Variants in TMEM266 observed in about 807,000 individuals in gnomAD.
TMEM266 encodes transmembrane protein 266.
Under a neutral mutation model 50.5 loss-of-function variants are expected in TMEM266, and 33 were observed. That is an observed-to-expected ratio of 0.65 (90% CI 0.50 to 0.87). The LOEUF is 0.87. Among genes scored for constraint, TMEM266 ranks in the 40% least tolerant of loss-of-function variants. TMEM266 has a pLI of 0.00. For synonymous variants in TMEM266, 310 were observed against 292.3 expected (o/e 1.06, Z -0.62); for missense variants, 655 against 695.1 (o/e 0.94, Z 0.65).
intron 1 of TMEM266, among the ~76,000 whole-genome samples, chr15:76,103,638 G>A (rs907735343): frequency 1.3e-5 from 2 of 152,100 alleles, no homozygotes; most frequent in Non-Finnish European, 2.9e-5. Flanking sequence ...GGGGCTGGGC[G>A]CAGTGGCCCA....
intron 9 of TMEM266, among the ~76,000 whole-genome samples, chr15:76,196,399 C>T (rs2038656998): frequency 6.6e-6 from 1 of 152,172 alleles, no homozygotes; most frequent in Admixed American, 6.5e-5. Context: ...TGGCGAGGAA[C>T]ACACATGATT....
In TMEM266 at chr15:76,161,163, G is replaced by A. The variant is rs927953608; in HGVS notation, c.456+995G>A. On this transcript the variant is annotated intron_variant, in intron 5 of 10. Transcript: ENST00000388942. The surrounding 1 kb of genome is among the most constrained non-coding windows in gnomAD (Gnocchi z 4.1). ...CCTTGAGTGTCCCATCCCTGCTATG[G>A]GTACATATTAGCCCATGCAAAGTCC... Among the ~76,000 whole-genome samples the A allele has an allele frequency of 9.9e-5, 15 of 152,154 alleles. No homozygotes were observed. Among genetic ancestry groups the A allele is most frequent in the Admixed American group, 9.2e-4 (14 of 15,280 alleles).
rs1379535154 is a variant in TMEM266 at position 76,160,189 on chromosome 15, T to C, written c.456+21T>C. ...CAGAGGTAGGTGGAGACTCTGGCCC[T>C]GTCACCTCCTCTGTTGGGTGACTCC... On this transcript the variant is annotated intron_variant, in intron 5 of 10. Transcript: ENST00000388942. This position sits in a 1 kb window ranked among gnomAD's most constrained non-coding sequence, Gnocchi z 5.7. The C allele has an allele frequency of 1.2e-6, 2 of 1,606,026 alleles. No individual in the cohort carries two copies. Among genetic ancestry groups the C allele is most frequent in the Non-Finnish European group, 1.7e-6 (2 of 1,172,692 alleles).
chr15:76,105,255 G>C (rs527282022), intron 1 of TMEM266, among the ~76,000 whole-genome samples: 1 of 151,864 alleles, frequency 6.6e-6, no homozygotes, highest in Non-Finnish European at 1.5e-5. Flanking sequence ...CAAAAAAAAA[G>C]TAAAGAAAAA....
intron 1 of TMEM266, among the ~76,000 whole-genome samples, chr15:76,092,340 A>C (rs1480944666): frequency 6.6e-6 from 1 of 152,108 alleles, no homozygotes; most frequent in Non-Finnish European, 1.5e-5. Flanking sequence ...TTTAAAGCTC[A>C]ACATGTAACA....
At chr15:76,104,546 C>T (rs940255706) in intron 1 of TMEM266, among the ~76,000 whole-genome samples, 33 of 152,134 alleles carry the variant, frequency 2.2e-4, no homozygotes, top group Non-Finnish European at 4.1e-4. Flanking sequence ...GGGCCCGGCG[C>T]GGTGGCTCAC....
chr15:76,196,419 G>T (rs565619360), intron 9 of TMEM266, among the ~76,000 whole-genome samples: 1 of 152,186 alleles, frequency 6.6e-6, no homozygotes, highest in African/African-American at 2.4e-5. Context: ...TCACAGCCTC[G>T]CATGGTCCAG....
intron 1 of TMEM266, among the ~76,000 whole-genome samples, chr15:76,117,210 G>T (rs2142016244): frequency 6.6e-6 from 1 of 151,870 alleles, no homozygotes; most frequent in African/African-American, 2.4e-5. Context: ...AATCCATCAG[G>T]GTCTTACACT....
At chr15:76,088,125 C>T (rs1053154194) in intron 1 of TMEM266, among the ~76,000 whole-genome samples, 3 of 152,194 alleles carry the variant, frequency 2.0e-5, no homozygotes, top group Non-Finnish European at 4.4e-5. Context: ...AAGTCCTGTC[C>T]TCTTTTCTTC....
chr15:76,121,230 CT>C (rs1413360647), intron 1 of TMEM266, among the ~76,000 whole-genome samples: 1 of 152,066 alleles, frequency 6.6e-6, no homozygotes, highest in Admixed American at 6.6e-5. Context: ...AGAGGTTTAA[CT>C]TTTATGTATT....
intron 9 of TMEM266, among the ~76,000 whole-genome samples, chr15:76,199,218 C>T (rs1437285694): frequency 2.0e-5 from 3 of 152,180 alleles, no homozygotes; most frequent in Non-Finnish European, 2.9e-5. Context: ...GATGGAGAAA[C>T]CGAGTTCTAT....
At chr15:76,196,363 C>T (rs978027338) in intron 9 of TMEM266, among the ~76,000 whole-genome samples, 17 of 152,202 alleles carry the variant, frequency 1.1e-4, no homozygotes, top group African/African-American at 4.1e-4. Context: ...GCCAGTGCCT[C>T]CAAGGCAAAG....
At chr15:76,194,885 G>C (rs953113647) in intron 9 of TMEM266, among the ~76,000 whole-genome samples, 2 of 152,150 alleles carry the variant, frequency 1.3e-5, no homozygotes, top group Admixed American at 6.5e-5. Context: ...AGGGGTTACG[G>C]CTTCAACATG....
intron 1 of TMEM266, among the ~76,000 whole-genome samples, chr15:76,094,593 A>G (rs1441172222): frequency 1.3e-5 from 2 of 152,198 alleles, no homozygotes; most frequent in Non-Finnish European, 2.9e-5. Context: ...TGTCCTGGCT[A>G]TGCAGGCTCT....
intron 10 of TMEM266, among the ~76,000 whole-genome samples, 178 bp from the exon 11 acceptor site, chr15:76,203,563 A>G (rs2038784393): frequency 6.6e-6 from 1 of 152,236 alleles, no homozygotes; most frequent in African/African-American, 2.4e-5. Context: ...CCCTCAAAGC[A>G]GGGCAGTGAT....
intron 1 of TMEM266, among the ~76,000 whole-genome samples, chr15:76,062,533 C>G (rs1329822138): frequency 6.6e-6 from 1 of 152,132 alleles, no homozygotes; most frequent in Non-Finnish European, 1.5e-5. Flanking sequence ...CAGATAAACT[C>G]AAGATGAGTC....
intron 1 of TMEM266, among the ~76,000 whole-genome samples, chr15:76,107,053 T>G (rs1166654193): frequency 6.6e-6 from 1 of 152,224 alleles, no homozygotes; most frequent in Non-Finnish European, 1.5e-5. Context: ...TCTTCTAGAC[T>G]GTCTCTGTCC....
At chr15:76,091,353 A>G (rs150604609) in intron 1 of TMEM266, among the ~76,000 whole-genome samples, 97 of 152,264 alleles carry the variant, frequency 6.4e-4, no homozygotes, top group African/African-American at 2.1e-3. Flanking sequence ...CCAGGATGAC[A>G]GTTATGCAGC....
chr15:76,163,878 C>G (rs2038054547), intron 5 of TMEM266, among the ~76,000 whole-genome samples: 2 of 152,248 alleles, frequency 1.3e-5, no homozygotes, highest in South Asian at 2.1e-4. Flanking sequence ...CTCTCTTCCT[C>G]CTCCTTCTGT....
Sources: allele counts gnomAD v4.1 joint callset (sites outside exome capture counted in the v4.1 genomes callset), GRCh38; gene constraint gnomAD v4.1.1; non-coding constraint Gnocchi (gnomAD v3.1); transcripts MANE v1.5; gene names NCBI Gene and HGNC (gene_info 2026-07-23, HGNC 2026-07-21).